Variants in VOPP1 observed in about 807,000 individuals in gnomAD.
VOPP1 encodes WW domain binding protein VOPP1.
In VOPP1, 8 loss-of-function variants were observed where a neutral mutation model predicts 23.5. That is an observed-to-expected ratio of 0.34 (90% confidence interval 0.20 to 0.61). The LOEUF (loss-of-function observed/expected upper bound fraction) is 0.61, where lower values mean the gene tolerates loss of function less well. Ranked by LOEUF, VOPP1 falls within the 20% of genes least tolerant of loss-of-function variation. VOPP1 has a pLI of 0.78. For missense variants in VOPP1, 174 were observed against 238.1 expected (o/e 0.73, Z 1.77); for synonymous variants, 83 against 97.3 (o/e 0.85, Z 0.86).
Position 55,492,428 on chromosome 7 carries a change from G to A in VOPP1, c.192-10C>T. 6.2e-7 allele frequency: 1 copy of A among 1,604,998 alleles called. No homozygotes were observed. The highest frequency in any genetic ancestry group is 1.7e-4 in the Middle Eastern group (1 of 6,018). On this transcript the variant is annotated splice_polypyrimidine_tract_variant and intron_variant, in intron 3 of 4. Coordinates refer to ENST00000285279, the MANE Select transcript of VOPP1 (RefSeq NM_030796.5). ...CATCATCAGAAGGAACCTGAGGAGA[G>A]TACAGACGTGAGGGTGGTGCTCCCA...
intron 1 of VOPP1, among the ~76,000 whole-genome samples, chr7:55,532,752 T>C (rs1037845281): frequency 6.6e-6 from 1 of 152,166 alleles, no homozygotes; most frequent in African/African-American, 2.4e-5. Context: ...AGCATTCTCT[T>C]CCCAGGAAGG....
At chr7:55,504,250 T>C (rs1794561104) in intron 2 of VOPP1, among the ~76,000 whole-genome samples, 1 of 152,228 alleles carries the variant, frequency 6.6e-6, no homozygotes, top group African/African-American at 2.4e-5. Flanking sequence ...CTACTCATTA[T>C]TACCTGCATT....
chr7:55,505,709 A>C (rs1161197449), intron 2 of VOPP1, among the ~76,000 whole-genome samples: 1 of 145,986 alleles, frequency 6.8e-6, no homozygotes. Flanking sequence ...GAGGGAAGGA[A>C]CTTGTACATA....
chr7:55,478,043 A>G (rs543357132), intron 4 of VOPP1, among the ~76,000 whole-genome samples: 1 of 152,346 alleles, frequency 6.6e-6, no homozygotes, highest in East Asian at 1.9e-4. Context: ...GCTCCCACAA[A>G]GAAGAGCAAC....
At chr7:55,539,809 G>A (rs1175297231) in intron 1 of VOPP1, among the ~76,000 whole-genome samples, 1 of 151,732 alleles carries the variant, frequency 6.6e-6, no homozygotes, top group Non-Finnish European at 1.5e-5. Flanking sequence ...CAGGAACCAG[G>A]ACTCAATGGA....
intron 1 of VOPP1, among the ~76,000 whole-genome samples, chr7:55,551,037 ACATGACAG>A (rs1797585243): frequency 6.6e-6 from 1 of 152,194 alleles, no homozygotes; most frequent in Non-Finnish European, 1.5e-5. Flanking sequence ...GCGAAGGGGC[ACATGACAG>A]CATGAAGACA....
intron 4 of VOPP1, among the ~76,000 whole-genome samples, chr7:55,473,756 T>A (rs1792021845): frequency 6.6e-6 from 1 of 152,168 alleles, no homozygotes; most frequent in Admixed American, 6.5e-5. Flanking sequence ...CATATGTAAA[T>A]AAAGAATCAG....
chr7:55,535,989 A>G (rs1257217166), intron 1 of VOPP1, among the ~76,000 whole-genome samples: 1 of 152,204 alleles, frequency 6.6e-6, no homozygotes, highest in Non-Finnish European at 1.5e-5. Flanking sequence ...AGCAAGGATC[A>G]TGCACTCAGG....
At position 55,543,453 on chromosome 7, in the gene VOPP1, C is replaced by CAA. The variant is rs530270494; in HGVS notation, c.55-22324_55-22323insTT. On this transcript the variant is annotated intron_variant, in intron 1 of 4. Coordinates refer to ENST00000285279, the MANE Select transcript of VOPP1 (RefSeq NM_030796.5). ...ATACCTGGCAATGAGATTGCTAGATCATAAGGTAGTTCCATATTCTTAGTT... is the reference window on the plus strand; with the variant it reads ...ATACCTGGCAATGAGATTGCTAGATCAAATAAGGTAGTTCCATATTCTTAGTT... Among the ~76,000 whole-genome samples, 18 of 152,304 alleles carry CAA rather than the reference C, an allele frequency of 1.2e-4. No individual in the cohort carries two copies. The South Asian group carries it at 3.5e-3, about 30-fold the overall frequency.
At chr7:55,567,915 T>A (rs1798214963) in intron 1 of VOPP1, among the ~76,000 whole-genome samples, 1 of 152,122 alleles carries the variant, frequency 6.6e-6, no homozygotes, top group Non-Finnish European at 1.5e-5. Context: ...ACAAAAGACA[T>A]TTGGCAAGAG....
chr7:55,500,630 A>G (rs979510503), intron 2 of VOPP1, among the ~76,000 whole-genome samples: 1 of 152,188 alleles, frequency 6.6e-6, no homozygotes, highest in Non-Finnish European at 1.5e-5. Context: ...GTGATTTACT[A>G]CACAGCCACA....
intron 2 of VOPP1, among the ~76,000 whole-genome samples, chr7:55,498,501 T>C (rs1390131520): frequency 2.0e-5 from 3 of 151,998 alleles, no homozygotes; most frequent in South Asian, 2.1e-4. Context: ...CAACCCCACG[T>C]CCTCCTTGAA....
intron 2 of VOPP1, among the ~76,000 whole-genome samples, chr7:55,507,564 G>A (rs1213612871): frequency 2.6e-5 from 4 of 152,186 alleles, no homozygotes; most frequent in Non-Finnish European, 4.4e-5. Flanking sequence ...GTACGTCTGC[G>A]AGAAAATAAC....
At chr7:55,539,058 G>A (rs1339512094) in intron 1 of VOPP1, among the ~76,000 whole-genome samples, 2 of 133,888 alleles carry the variant, frequency 1.5e-5, no homozygotes, top group East Asian at 2.2e-4. Flanking sequence ...GGGGAGGGGC[G>A]GGGTGCCGGG....
intron 4 of VOPP1, among the ~76,000 whole-genome samples, chr7:55,486,171 C>A (rs1793129240): frequency 6.6e-6 from 1 of 152,238 alleles, no homozygotes; most frequent in African/African-American, 2.4e-5. Flanking sequence ...AGTTTCTGTT[C>A]CCACTGATCA....
At chr7:55,476,992 A>G (rs74654950) in intron 4 of VOPP1, among the ~76,000 whole-genome samples, 1,828 of 152,278 alleles carry the variant, frequency 0.012, 13 homozygotes, top group Admixed American at 0.021. Context: ...CCCTCACTAG[A>G]TAACATATCC....
rs1299940104 is a variant in VOPP1 at position 55,561,714 on chromosome 7, A to G, written c.54+10557T>C. 2.0e-3 allele frequency: 805 copies of G among 398,726 alleles called. 5 individuals are homozygous for G. The highest frequency in any genetic ancestry group is 2.6e-3 in the Admixed American group (63 of 23,962). The allele number at this position is 398,726 out of a possible 1,614,324, so 24.7% of individuals were successfully genotyped here. A position where few individuals can be genotyped will look rare whatever the true frequency, so the allele number is the denominator to read the frequency against. On this transcript the variant is annotated intron_variant, in intron 1 of 4. Transcript: ENST00000285279. ...TCTGTCTGGAAAAAAAAAAAAAAAA[A>G]AAGAAGAAGAATTCACAGACTGCTC...
chr7:55,520,081 T>C (rs1319277196), intron 2 of VOPP1, among the ~76,000 whole-genome samples: 1 of 151,982 alleles, frequency 6.6e-6, no homozygotes, highest in East Asian at 1.9e-4. Context: ...TGAGCCGAGA[T>C]TGCACCACTG....
At chr7:55,488,893 T>C (rs1315168225) in intron 4 of VOPP1, among the ~76,000 whole-genome samples, 1 of 152,256 alleles carries the variant, frequency 6.6e-6, no homozygotes. Flanking sequence ...ACATTTACCC[T>C]GTGGACCACA....
Sources: allele counts gnomAD v4.1 joint callset (sites outside exome capture counted in the v4.1 genomes callset), GRCh38; gene constraint gnomAD v4.1.1; transcripts MANE v1.5; gene names NCBI Gene and HGNC (gene_info 2026-07-23, HGNC 2026-07-21).